Variants in SNTB1 observed in about 807,000 individuals in gnomAD.
SNTB1 encodes the protein beta-1-syntrophin.
Under a neutral mutation model 48.9 loss-of-function variants are expected in SNTB1, and 36 were observed. The ratio of observed to expected loss-of-function variants is 0.74; its 90% CI spans 0.56 to 0.97. The LOEUF (loss-of-function observed/expected upper bound fraction) is 0.97, where lower values mean the gene tolerates loss of function less well. Among genes scored for constraint, SNTB1 ranks in the 50% least tolerant of loss-of-function variants. SNTB1 has a pLI of 0.00. For synonymous variants in SNTB1, 299 were observed against 294.6 expected (o/e 1.01, Z -0.15); for missense variants, 786 against 703.4 (o/e 1.12, Z -1.33).
At chr8:120,702,124 G>A (rs1281996145) in intron 1 of SNTB1, among the ~76,000 whole-genome samples, 1 of 152,120 alleles carries the variant, frequency 6.6e-6, no homozygotes, top group East Asian at 1.9e-4. Context: ...CTGTAGGGAG[G>A]GCCCTGAGTA....
At position 120,608,508 on chromosome 8, in the gene SNTB1, AGAGAG is replaced by A. The variant is rs567795991; in HGVS notation, c.996+23931_996+23935del. ...CAGAGGGAAGAACAGATGAAGACACAGAGAGAAGACGGCCATCTACAAGCCAGGGG... is the reference window on the plus strand; with the variant it reads ...CAGAGGGAAGAACAGATGAAGACACAAAGACGGCCATCTACAAGCCAGGGG... On this transcript the variant is annotated intron_variant, in intron 3 of 6. Coordinates refer to ENST00000517992, the MANE Select transcript of SNTB1 (RefSeq NM_021021.4). Among the ~76,000 whole-genome samples the A allele has an allele frequency of 4.3e-3, 654 of 152,354 alleles. 5 individuals carry two copies. Among genetic ancestry groups the A allele is most frequent in the Non-Finnish European group, 6.1e-3 (418 of 68,032 alleles).
At chr8:120,702,036 A>G (rs528184392) in intron 1 of SNTB1, among the ~76,000 whole-genome samples, 1 of 152,216 alleles carries the variant, frequency 6.6e-6, no homozygotes, top group African/African-American at 2.4e-5. Flanking sequence ...ATCCTATCTC[A>G]TGAGTAATCC....
intron 2 of SNTB1, among the ~76,000 whole-genome samples, chr8:120,654,071 A>AAAAAAAATT (rs1817457552): frequency 6.9e-6 from 1 of 144,102 alleles, no homozygotes; most frequent in Non-Finnish European, 1.5e-5. Flanking sequence ...AAAAAAAAAA[A>AAAAAAAATT]GTTGTCTTCT....
intron 2 of SNTB1, among the ~76,000 whole-genome samples, chr8:120,690,342 G>A (rs377589281): frequency 1.3e-5 from 2 of 152,102 alleles, no homozygotes; most frequent in South Asian, 2.1e-4. Context: ...ATTTATCTGT[G>A]TCCTCTACTT....
At chr8:120,672,322 T>C (rs1817772157) in intron 2 of SNTB1, among the ~76,000 whole-genome samples, 1 of 152,198 alleles carries the variant, frequency 6.6e-6, no homozygotes. Context: ...AATCATGAAA[T>C]ATTTTAAAGT....
intron 4 of SNTB1, among the ~76,000 whole-genome samples, chr8:120,565,958 C>T (rs1815742048): frequency 6.6e-6 from 1 of 152,110 alleles, no homozygotes; most frequent in Non-Finnish European, 1.5e-5. Context: ...CCTGTAATCT[C>T]AGCACTTTGG....
At chr8:120,646,928 T>A (rs918189286) in intron 2 of SNTB1, among the ~76,000 whole-genome samples, 387 of 152,008 alleles carry the variant, frequency 2.5e-3, no homozygotes, top group Non-Finnish European at 4.4e-3. Flanking sequence ...ATCCATTTCT[T>A]CTAGATTTTC....
chr8:120,621,256 G>A (rs1027783810), intron 3 of SNTB1, among the ~76,000 whole-genome samples: 3 of 152,188 alleles, frequency 2.0e-5, no homozygotes, highest in Admixed American at 6.5e-5. Flanking sequence ...CACCATGCCC[G>A]GCCTTTATTC....
chr8:120,756,348 CA>C (rs1819317794), intron 1 of SNTB1, among the ~76,000 whole-genome samples: 1 of 151,986 alleles, frequency 6.6e-6, no homozygotes, highest in African/African-American at 2.4e-5. Context: ...GATGGATGGA[CA>C]GGTGTAAAGC....
At chr8:120,738,213 T>G (rs1405583994) in intron 1 of SNTB1, among the ~76,000 whole-genome samples, 1 of 152,182 alleles carries the variant, frequency 6.6e-6, no homozygotes, top group Non-Finnish European at 1.5e-5. Context: ...AAATCTGCCT[T>G]GGACTTCACA....
intron 1 of SNTB1, among the ~76,000 whole-genome samples, chr8:120,779,845 T>C (rs556307331): frequency 2.0e-4 from 30 of 152,134 alleles, no homozygotes; most frequent in Non-Finnish European, 3.7e-4. Context: ...GGGTCGTCCA[T>C]GTAGGAACAT....
At chr8:120,595,230 T>C (rs191549007) in intron 3 of SNTB1, among the ~76,000 whole-genome samples, 1 of 152,248 alleles carries the variant, frequency 6.6e-6, no homozygotes, top group Non-Finnish European at 1.5e-5. Context: ...CATTCCCAGA[T>C]GGTTAAGGCA....
chr8:120,704,519 A>G (rs991202744), intron 1 of SNTB1, among the ~76,000 whole-genome samples: 3 of 152,274 alleles, frequency 2.0e-5, no homozygotes, highest in Admixed American at 6.5e-5. Flanking sequence ...TCATCTCATA[A>G]ACTGATAAAA....
chr8:120,661,916 T>G (rs1817595257), intron 2 of SNTB1, among the ~76,000 whole-genome samples: 1 of 152,220 alleles, frequency 6.6e-6, no homozygotes, highest in Non-Finnish European at 1.5e-5. Context: ...AAATTCATGG[T>G]GTGCTGGAGG....
intron 2 of SNTB1, among the ~76,000 whole-genome samples, chr8:120,633,633 T>G (rs1817021075): frequency 6.6e-6 from 1 of 151,822 alleles, no homozygotes; most frequent in Non-Finnish European, 1.5e-5. Context: ...TAAATTAAAA[T>G]AAAAATAAAA....
chr8:120,659,279 C>T (rs905046454), intron 2 of SNTB1, among the ~76,000 whole-genome samples: 1 of 152,016 alleles, frequency 6.6e-6, no homozygotes, highest in Non-Finnish European at 1.5e-5. Context: ...ATGTAATATT[C>T]TAAATCCTTT....
At chr8:120,695,245 G>A (rs980621319) in intron 1 of SNTB1, among the ~76,000 whole-genome samples, 35 of 152,248 alleles carry the variant, frequency 2.3e-4, no homozygotes, top group African/African-American at 7.9e-4. Context: ...TTGATGAATC[G>A]GTTCCACCAA....
At chr8:120,703,522 T>C (rs1818337277) in intron 1 of SNTB1, among the ~76,000 whole-genome samples, 1 of 152,196 alleles carries the variant, frequency 6.6e-6, no homozygotes, top group African/African-American at 2.4e-5. Flanking sequence ...TGCCTAAGGT[T>C]ACAAGACCAA....
intron 2 of SNTB1, among the ~76,000 whole-genome samples, chr8:120,635,212 A>C (rs1011356214): frequency 6.6e-6 from 1 of 152,338 alleles, no homozygotes; most frequent in Non-Finnish European, 1.5e-5. Context: ...TTTCAAAAAA[A>C]TGGGTAATAA....
Sources: gnomAD v4.1 joint callset for allele counts (sites outside exome capture counted in the v4.1 genomes callset) on GRCh38, gnomAD v4.1.1 for gene constraint, MANE v1.5 for transcripts, NCBI Gene and HGNC (gene_info 2026-07-23, HGNC 2026-07-21) for gene names.